The following SLC36A1 variants were observed in gnomAD, a reference collection of about 807,000 sequenced individuals.
SLC36A1 encodes proton-coupled amino acid transporter 1.
In SLC36A1, 30 loss-of-function variants were observed where a neutral mutation model predicts 47.5. The observed-to-expected ratio is 0.63, with a 90% CI of 0.47 to 0.86. The LOEUF is 0.86. SLC36A1 is among the 40% of genes least tolerant of loss of function. SLC36A1 has a pLI of 0.00. For synonymous variants in SLC36A1, 255 were observed against 249.7 expected (o/e 1.02, Z -0.20); for missense variants, 517 against 606.0 (o/e 0.85, Z 1.54).
the SLC36A1 span, among the ~76,000 whole-genome samples, chr5:151,412,261 T>C: frequency 6.9e-6 from 1 of 144,790 alleles, no homozygotes; most frequent in Non-Finnish European, 1.5e-5. Context: ...AATGTAAATA[T>C]TTCCTATATA....
chr5:151,540,787 C>A, the SLC36A1 span: 1 of 1,593,574 alleles, frequency 6.3e-7, no homozygotes, highest in South Asian at 1.1e-5. Context: ...GCAGAGCTTT[C>A]AGAAGCCAAG....
intron 5 of SLC36A1, among the ~76,000 whole-genome samples, chr5:151,466,527 T>C (rs1756409259): frequency 6.6e-6 from 1 of 152,224 alleles, no homozygotes; most frequent in African/African-American, 2.4e-5. Context: ...TATAATTTAA[T>C]CACTCTGCTT....
the SLC36A1 span, among the ~76,000 whole-genome samples, chr5:151,345,594 G>A: frequency 6.7e-6 from 1 of 149,800 alleles, no homozygotes; most frequent in Admixed American, 6.6e-5. Context: ...TTCTCCCTGT[G>A]GGTGTCCACA....
chr5:151,501,204 A>G, the SLC36A1 span, among the ~76,000 whole-genome samples: 1 of 152,228 alleles, frequency 6.6e-6, no homozygotes, highest in Non-Finnish European at 1.5e-5. Context: ...GGGGCCCCTG[A>G]CAGTCATTTT....
the SLC36A1 span, chr5:151,382,424 A>T: frequency 1.5e-6 from 1 of 651,204 alleles, no homozygotes; most frequent in Non-Finnish European, 2.7e-6. Context: ...CTTGCTCAGT[A>T]GGGATAGATG....
intron 1 of SLC36A1, among the ~76,000 whole-genome samples, chr5:151,441,319 G>A (rs72798310): frequency 0.019 from 2,832 of 152,216 alleles, 69 homozygotes; most frequent in Non-Finnish European, 0.022. Flanking sequence ...GCAAAGAAAT[G>A]GAGTGCATAC....
At chr5:151,480,105 A>G in intron 10 of SLC36A1, 1 of 1,489,418 alleles carries the variant, frequency 6.7e-7, no homozygotes, top group Non-Finnish European at 8.8e-7. Flanking sequence ...GTGGTTGAAA[A>G]CTGGTGACAT....
At chr5:151,347,395 C>T in the SLC36A1 span, 18 of 1,614,210 alleles carry the variant, frequency 1.1e-5, no homozygotes, top group African/African-American at 4.0e-5. Context: ...TTTCAGGAGG[C>T]GACATAAGGT....
Position 151,464,560 on chromosome 5 carries a change from G to A in SLC36A1, c.281G>A (p.Cys94Tyr). ...LLIIGIVAVHCMGILVKCAHH... is the reference protein window; with the variant it reads ...LLIIGIVAVHYMGILVKCAHH... ...ATCATAGGCATCGTGGCCGTGCACT[G>A]CATGGGTATCCTGGTGAAATGTGCT... Residue 94 changes from cysteine to tyrosine, a missense_variant, in exon 4 of 11, where the codon TGC becomes TAC. Coordinates refer to ENST00000243389, the MANE Select transcript of SLC36A1 (RefSeq NM_078483.4). 6.2e-7 allele frequency: 1 copy of A among 1,614,088 alleles called. No individual in the cohort carries two copies. Among genetic ancestry groups the A allele is most frequent in the Non-Finnish European group, 8.5e-7 (1 of 1,180,042 alleles).
At chr5:151,440,577 TAAA>T (rs3086252) in intron 1 of SLC36A1, among the ~76,000 whole-genome samples, 142 of 144,054 alleles carry the variant, frequency 9.9e-4, no homozygotes, top group Non-Finnish European at 7.5e-4. Flanking sequence ...GTAGAGTGGT[TAAA>T]AAAAAAAAAA....
At chr5:151,347,389 A>C in the SLC36A1 span, 4 of 1,614,236 alleles carry the variant, frequency 2.5e-6, no homozygotes, top group South Asian at 4.4e-5. Flanking sequence ...TGGCACTTTC[A>C]GGAGGCGACA....
At chr5:151,430,650 C>T in the SLC36A1 span, among the ~76,000 whole-genome samples, 1 of 152,142 alleles carries the variant, frequency 6.6e-6, no homozygotes, top group Non-Finnish European at 1.5e-5. Context: ...CTTTACTGAA[C>T]AGTTACTGTG....
At chr5:151,384,958 T>G in the SLC36A1 span, among the ~76,000 whole-genome samples, 1 of 150,348 alleles carries the variant, frequency 6.7e-6, no homozygotes, top group Admixed American at 6.6e-5. Flanking sequence ...AATTTTATTT[T>G]AAGTGAGGTG....
At chr5:151,470,678 C>A (rs538387836) in intron 7 of SLC36A1, among the ~76,000 whole-genome samples, 35 of 152,238 alleles carry the variant, frequency 2.3e-4, no homozygotes, top group Admixed American at 5.2e-4. Context: ...TTTGTTGCCG[C>A]TGCCTCTGCG....
intron 1 of SLC36A1, among the ~76,000 whole-genome samples, chr5:151,441,183 C>T (rs1752604955): frequency 6.6e-6 from 1 of 152,218 alleles, no homozygotes. Context: ...CACCTGTAGT[C>T]CCAACTACTC....
chr5:151,439,358 G>T (rs1254423563), intron 1 of SLC36A1, among the ~76,000 whole-genome samples: 1 of 151,994 alleles, frequency 6.6e-6, no homozygotes, highest in African/African-American at 2.4e-5. Flanking sequence ...ATCACAATAA[G>T]AAATGTGTAA....
chr5:151,486,782 G>A (rs1759623449), intron 10 of SLC36A1, among the ~76,000 whole-genome samples: 1 of 152,214 alleles, frequency 6.6e-6, no homozygotes, highest in Admixed American at 6.5e-5. Flanking sequence ...CCCAGCAGTA[G>A]GAAAGACAAT....
chr5:151,360,408 T>C, the SLC36A1 span, among the ~76,000 whole-genome samples: 2 of 152,268 alleles, frequency 1.3e-5, no homozygotes, highest in African/African-American at 4.8e-5. Context: ...AGAAAATATA[T>C]TTACTATTCA....
chr5:151,531,408 C>A, the SLC36A1 span, among the ~76,000 whole-genome samples: 1 of 152,114 alleles, frequency 6.6e-6, no homozygotes, highest in Non-Finnish European at 1.5e-5. The surrounding 1 kb of genome is among the most constrained non-coding windows in gnomAD (Gnocchi z 5.7). Flanking sequence ...CATAAGCTGG[C>A]CCCAGGGTGG....
Sources: allele counts gnomAD v4.1 joint callset (sites outside exome capture counted in the v4.1 genomes callset), GRCh38; gene constraint gnomAD v4.1.1; non-coding constraint Gnocchi (gnomAD v3.1); transcripts MANE v1.5; gene names NCBI Gene and HGNC (gene_info 2026-07-23, HGNC 2026-07-21).